The following PAPOLG variants were observed in gnomAD, a reference collection of about 807,000 sequenced individuals.
PAPOLG encodes the protein poly(A) polymerase gamma.
In PAPOLG, 40 loss-of-function variants were observed where a neutral mutation model predicts 99.0. The observed-to-expected ratio is 0.40, with a 90% CI of 0.31 to 0.53. PAPOLG has a LOEUF of 0.53. Among genes scored for constraint, PAPOLG ranks in the 20% least tolerant of loss-of-function variants. The probability of loss-of-function intolerance (pLI) is 0.41; values close to 1 mark genes in which losing one functional copy is unlikely to be tolerated. For missense variants in PAPOLG, 675 were observed against 884.1 expected, an observed-to-expected ratio of 0.76 and a Z score of 3.00; for synonymous variants, 310 against 299.3, an observed-to-expected ratio of 1.04 and a Z score of -0.37.
At chr2:60,777,583 A>C (rs953432388) in intron 8 of PAPOLG, among the ~76,000 whole-genome samples, 1 of 152,210 alleles carries the variant, frequency 6.6e-6, no homozygotes. Context: ...AGCTTGGTTA[A>C]CTGATTGGCA....
At position 60,783,910 on chromosome 2, in the gene PAPOLG, T is replaced by C. The variant is rs537438174; in HGVS notation, c.1166+701T>C. 9.7e-4 allele frequency among the ~76,000 whole-genome samples: 148 copies of C among 152,342 alleles called. 1 individual carries two copies. The highest frequency in any genetic ancestry group is 3.2e-3 in the African/African-American group (132 of 41,588). On this transcript the variant is annotated intron_variant, in intron 13 of 21. Transcript: ENST00000238714. ...CTTCTTATTGCTTCTCAGCCAGATT[T>C]AAGCAAAATTTTGAGCTAGTTTGGA...
chr2:60,799,354 T>G lies in PAPOLG; in HGVS notation c.*2194T>G, dbSNP rs1246713049. 1 of 152,362 alleles carries G rather than the reference T, an allele frequency of 6.6e-6. No individual in the cohort carries two copies. The allele number at this position is 152,362 out of a possible 1,614,324, so 9.4% of individuals were successfully genotyped here. On this transcript the variant is annotated 3_prime_UTR_variant, in exon 22 of 22. Transcript: ENST00000238714. ...TAGATTAAGGAGCCCATTCAACATG[T>G]CAATGAGTCAACATTAGAGTCCTCA...
intron 1 of PAPOLG, among the ~76,000 whole-genome samples, chr2:60,759,807 A>G (rs1240901299): frequency 6.6e-6 from 1 of 152,224 alleles, no homozygotes; most frequent in Non-Finnish European, 1.5e-5. Context: ...TCTGCAGGGT[A>G]GTGGAGGTGG....
intron 5 of PAPOLG, among the ~76,000 whole-genome samples, chr2:60,769,122 A>C (rs1573226192): frequency 6.6e-6 from 1 of 152,218 alleles, no homozygotes; most frequent in South Asian, 2.1e-4. Flanking sequence ...ATCTTGGTCA[A>C]GTAACCTAAT....
chr2:60,792,015 A>G, intron 16 of PAPOLG, 114 bp from the exon 17 acceptor site: 1 of 1,456,840 alleles, frequency 6.9e-7, no homozygotes, highest in Non-Finnish European at 9.3e-7. Flanking sequence ...TAGGACTAAA[A>G]TCTCATTTTC....
Position 60,792,111 on chromosome 2 carries a change from A to G in PAPOLG, c.1519-18A>G. On this transcript the variant is annotated intron_variant, in intron 16 of 21. Transcript: ENST00000238714. Reference sequence around the variant, plus strand: ...GTCATTTGCATTTTGAAATCCTAAAATCGTTCCCTTCTTTCAGCAAAGTCT... The same window carrying G: ...GTCATTTGCATTTTGAAATCCTAAAGTCGTTCCCTTCTTTCAGCAAAGTCT... 3 of 1,566,978 alleles carry G rather than the reference A, an allele frequency of 1.9e-6. No individual in the cohort carries two copies. The highest frequency in any genetic ancestry group is 1.2e-5 in the South Asian group (1 of 84,094).
chr2:60,790,220 T>G (rs965805033), intron 15 of PAPOLG, among the ~76,000 whole-genome samples: 3 of 152,224 alleles, frequency 2.0e-5, no homozygotes, highest in African/African-American at 7.2e-5. Flanking sequence ...ATAATCAATC[T>G]GGAATAAAAA....
Position 60,792,114 on chromosome 2 carries a change from G to A in PAPOLG, c.1519-15G>A, listed in dbSNP as rs201482468. 1.6e-4 allele frequency: 243 copies of A among 1,567,308 alleles called. 3 individuals are homozygous for A. In the East Asian group the frequency reaches 1.7e-3, roughly 11 times the overall value. On this transcript the variant is annotated splice_polypyrimidine_tract_variant and intron_variant, in intron 16 of 21. Transcript: ENST00000238714. Reference sequence around the variant, plus strand: ...ATTTGCATTTTGAAATCCTAAAATCGTTCCCTTCTTTCAGCAAAGTCTCTC... The same window carrying A: ...ATTTGCATTTTGAAATCCTAAAATCATTCCCTTCTTTCAGCAAAGTCTCTC...
At chr2:60,783,626 T>G (rs1254042276) in intron 13 of PAPOLG, among the ~76,000 whole-genome samples, 1 of 147,802 alleles carries the variant, frequency 6.8e-6, no homozygotes, top group African/African-American at 2.5e-5. Flanking sequence ...TTCCCCTGCC[T>G]TAGCCGCCTG....
At chr2:60,760,689 C>T (rs1428534304) in intron 2 of PAPOLG, among the ~76,000 whole-genome samples, 1 of 151,972 alleles carries the variant, frequency 6.6e-6, no homozygotes, top group Non-Finnish European at 1.5e-5. Flanking sequence ...AGCAAGATAC[C>T]CTGGGTGTCT....
At chr2:60,776,381 G>A (rs938717933) in intron 8 of PAPOLG, among the ~76,000 whole-genome samples, 6 of 151,004 alleles carry the variant, frequency 4.0e-5, no homozygotes, top group African/African-American at 7.3e-5. Flanking sequence ...TCTTAAGGGC[G>A]CTGGGATTTT....
chr2:60,793,600 TTGA>T (rs1477314710), intron 17 of PAPOLG, 24 bp from the exon 18 acceptor site: 1 of 1,608,624 alleles, frequency 6.2e-7, no homozygotes, highest in African/African-American at 1.3e-5. Flanking sequence ...AAATCATTTA[TTGA>T]TGATAATTTA....
At chr2:60,794,392 G>A (rs1322796361) in intron 19 of PAPOLG, 2 of 635,354 alleles carry the variant, frequency 3.1e-6, no homozygotes, top group East Asian at 2.8e-5. Flanking sequence ...ATTGGTCTGA[G>A]TTTCTCCTTG....
intron 21 of PAPOLG, 142 bp from the exon 22 acceptor site, chr2:60,796,920 A>G (rs1282792947): frequency 2.0e-6 from 2 of 1,013,988 alleles, no homozygotes; most frequent in Non-Finnish European, 2.8e-6. Flanking sequence ...ACGGAAGGAA[A>G]TATTCATTGC....
At chr2:60,796,567 G>GTACT (rs1671712781) in intron 21 of PAPOLG, among the ~76,000 whole-genome samples, 1 of 152,246 alleles carries the variant, frequency 6.6e-6, no homozygotes, top group Admixed American at 6.5e-5. Flanking sequence ...GAGAACTTAA[G>GTACT]TATCTCACAG....
intron 3 of PAPOLG, among the ~76,000 whole-genome samples, chr2:60,766,951 A>T (rs1305154025): frequency 6.6e-6 from 1 of 152,188 alleles, no homozygotes; most frequent in Non-Finnish European, 1.5e-5. Context: ...TGAGTACAAC[A>T]ACTATATTTA....
intron 15 of PAPOLG, among the ~76,000 whole-genome samples, chr2:60,788,039 CAAAAAAAG>C (rs1323668301): frequency 7.1e-6 from 1 of 140,436 alleles, no homozygotes; most frequent in African/African-American, 2.7e-5. Context: ...GAGACTGTCT[CAAAAAAAG>C]AAAAAAAGAA....
At chr2:60,792,330 C>A in intron 17 of PAPOLG, 41 bp downstream of exon 17, 2 of 1,530,882 alleles carry the variant, frequency 1.3e-6, no homozygotes, top group Non-Finnish European at 1.8e-6. Flanking sequence ...GTTTTCTGTT[C>A]AGTTTATTTG....
At chr2:60,768,944 A>G (rs1049946894) in intron 5 of PAPOLG, 54 bp downstream of exon 5, 2 of 1,330,618 alleles carry the variant, frequency 1.5e-6, no homozygotes, top group East Asian at 2.5e-5. Context: ...ACAAATATCT[A>G]TAAAAACTAG....
Sources: allele counts gnomAD v4.1 joint callset (sites outside exome capture counted in the v4.1 genomes callset), GRCh38; gene constraint gnomAD v4.1.1; transcripts MANE v1.5; gene names NCBI Gene and HGNC (gene_info 2026-07-23, HGNC 2026-07-21).